TRIM72: variants seen among roughly 807,000 people sequenced by gnomAD.
TRIM72 encodes the protein tripartite motif-containing protein 72.
A neutral mutation model predicts 31.6 loss-of-function variants in TRIM72; 33 were observed. The observed-to-expected ratio is 1.04, with a 90% confidence interval of 0.79 to 1.40. The LOEUF (loss-of-function observed/expected upper bound fraction) is 1.40, where lower values mean the gene tolerates loss of function less well. Among genes scored for constraint, TRIM72 ranks in the 40% most tolerant of loss-of-function variants. The pLI is 0.00. For synonymous variants in TRIM72, 301 were observed against 314.4 expected (o/e 0.96, Z 0.45); for missense variants, 666 against 682.7 (o/e 0.98, Z 0.27).
chr16:31,226,334 C>T lies in TRIM72; in HGVS notation c.*1579C>T, dbSNP rs2079555025. 6.6e-6 allele frequency: 1 copy of T among 152,158 alleles called. No homozygotes were observed. The allele number at this position is 152,158 out of a possible 1,614,324, so 9.4% of individuals were successfully genotyped here. On this transcript the variant is annotated 3_prime_UTR_variant, in exon 7 of 7. Coordinates refer to ENST00000322122, the MANE Select transcript of TRIM72 (RefSeq NM_001008274.4). ...ACACTTAAGGGCTGGGTACTCATGC[C>T]TGTAAACCCAACACTTTGGGAGTTT...
Position 31,225,363 on chromosome 16 carries a change from G to A in TRIM72, c.*608G>A, listed in dbSNP as rs2079551880. 2.0e-5 allele frequency: 2 copies of A among 97,772 alleles called. No homozygotes were observed. Among genetic ancestry groups the A allele is most frequent in the Non-Finnish European group, 2.3e-5 (1 of 43,742 alleles). 6.1% of individuals were successfully genotyped at this position (97,772 alleles called of 1,614,324 possible). A position where few individuals can be genotyped will look rare whatever the true frequency, so the allele number is the denominator to read the frequency against. Reference sequence around the variant, plus strand: ...AATTCCAGGAAGAAACTAAGGTTGAGCGAGGGAGGGACAGGGCCAGGTTGG... The same window carrying A: ...AATTCCAGGAAGAAACTAAGGTTGAACGAGGGAGGGACAGGGCCAGGTTGG... On this transcript the variant is annotated 3_prime_UTR_variant, in exon 7 of 7. Transcript: ENST00000322122.
rs1455325652 is a variant in TRIM72, at chr16:31,224,939, C to T, written c.*184C>T. On this transcript the variant is annotated 3_prime_UTR_variant, in exon 7 of 7. Coordinates refer to ENST00000322122, the MANE Select transcript of TRIM72 (RefSeq NM_001008274.4). ...GGCTTGGTGGCTCATGCCTGTAATC[C>T]CAGCACTTTGGGAGACGGAGGCGGG... is the stretch of plus-strand genomic sequence containing the variant. The T allele has an allele frequency of 3.6e-6, 2 of 558,516 alleles. No individual in the cohort carries two copies. Among genetic ancestry groups the T allele is most frequent in the Non-Finnish European group, 5.7e-6 (2 of 353,012 alleles). The allele number at this position is 558,516 out of a possible 1,614,324, so 34.6% of individuals were successfully genotyped here.
rs143098996 is a variant in TRIM72 at position 31,219,296 on chromosome 16, T to C, written c.494T>C (p.Val165Ala). The C allele has an allele frequency of 1.4e-4, 218 of 1,614,126 alleles. No homozygotes were observed. The African/African-American group carries it at 2.6e-3, about 19-fold the overall frequency. Residue 165 changes from valine to alanine, a missense_variant, in exon 4 of 7, where the codon GTG becomes GCG. By Grantham distance (64) the Val-to-Ala change is moderately conservative (BLOSUM62 0). Coordinates refer to ENST00000322122, the MANE Select transcript of TRIM72 (RefSeq NM_001008274.4). This position sits in a 1 kb window ranked among gnomAD's most constrained non-coding sequence, Gnocchi z 4.2. ...ACTGCCCCATCCCTGCAGGAGACAG[T>C]GCGTCAGTTCCGGGGGGCCGTGGGG... is the stretch of plus-strand genomic sequence containing the variant. ...EHQLVEVEET[V>A]RQFRGAVGEQ...
At position 31,226,239 on chromosome 16, in the gene TRIM72, C is replaced by T. The variant is rs2079554812; in HGVS notation, c.*1484C>T. The T allele has an allele frequency of 6.6e-6, 1 of 152,040 alleles. No individual in the cohort carries two copies. Among genetic ancestry groups the T allele is most frequent in the African/African-American group, 2.4e-5 (1 of 41,384 alleles). 9.4% of individuals were successfully genotyped at this position (152,040 alleles called of 1,614,324 possible). A position where few individuals can be genotyped will look rare whatever the true frequency, so the allele number is the denominator to read the frequency against. Reference sequence around the variant, plus strand: ...AGAGGCATAGGTCCAAAATATGTTTCCCCAGTCAAAAACATGTAAGGTTTG... The same window carrying T: ...AGAGGCATAGGTCCAAAATATGTTTTCCCAGTCAAAAACATGTAAGGTTTG... On this transcript the variant is annotated 3_prime_UTR_variant, in exon 7 of 7. Transcript: ENST00000322122.
intron 4 of TRIM72, among the ~76,000 whole-genome samples, chr16:31,220,389 A>T (rs187323704): frequency 6.8e-6 from 1 of 146,930 alleles, no homozygotes; most frequent in Non-Finnish European, 1.5e-5. Flanking sequence ...GGAGGCAAAG[A>T]TACCTTTTTG....
chr16:31,218,258 AG>A (rs1319471700), intron 2 of TRIM72, among the ~76,000 whole-genome samples: 1 of 152,116 alleles, frequency 6.6e-6, no homozygotes, highest in African/African-American at 2.4e-5. Flanking sequence ...AAAACAGACA[AG>A]GGGCTGGGGG....
In TRIM72 at chr16:31,219,597, C is replaced by G. The variant is rs1380713760; in HGVS notation, c.717+78C>G. The G allele has an allele frequency of 7.5e-7, 1 of 1,337,530 alleles. No individual in the cohort carries two copies. Among genetic ancestry groups the G allele is most frequent in the African/African-American group, 1.5e-5 (1 of 67,632 alleles). The allele number at this position is 1,337,530 out of a possible 1,614,324, so 82.9% of individuals were successfully genotyped here. A position where few individuals can be genotyped will look rare whatever the true frequency, so the allele number is the denominator to read the frequency against. On this transcript the variant is annotated intron_variant, in intron 4 of 6. Coordinates refer to ENST00000322122, the MANE Select transcript of TRIM72 (RefSeq NM_001008274.4). This position sits in a 1 kb window ranked among gnomAD's most constrained non-coding sequence, Gnocchi z 4.2. ...AGACCTCATCCCATTGTCAGATAGGCCCAGAGAGGGGCAGGGATAAGCCAG... is the reference window on the plus strand; with the variant it reads ...AGACCTCATCCCATTGTCAGATAGGGCCAGAGAGGGGCAGGGATAAGCCAG...
At position 31,222,911 on chromosome 16, in the gene TRIM72, G is replaced by T; in HGVS notation, c.825G>T (p.Gln275His). The T allele has an allele frequency of 6.4e-7, 1 of 1,565,604 alleles. No individual in the cohort carries two copies. Among genetic ancestry groups the T allele is most frequent in the Non-Finnish European group, 8.6e-7 (1 of 1,159,930 alleles). Residue 275 changes from glutamine (Q) to histidine (H), a missense_variant, in exon 6 of 7, where the codon CAG (glutamine) becomes CAT (histidine). Gln to His is a conservative substitution (Grantham distance 24, BLOSUM62 0). Transcript: ENST00000322122. ...TTATCTCAGATGACTTCAAATTCCA[G>T]GTGTGGAGGAAGATGTTCCGGGCTC... The part of the protein sequence containing the change: ...LPIISDDFKF[Q>H]VWRKMFRALM...
chr16:31,214,785 T>C lies in TRIM72; in HGVS notation c.47T>C (p.Leu16Pro). The C allele has an allele frequency of 6.3e-7, 1 of 1,581,788 alleles. No individual in the cohort carries two copies. The highest frequency in any genetic ancestry group is 8.5e-7 in the Non-Finnish European group (1 of 1,173,426). ...CTGCACCAGGAGCTGTCCTGCCCGC[T>C]GTGCCTGCAGCTGTTCGACGCGCCC... ...GLLHQELSCP[L>P]CLQLFDAPVT... The change falls in exon 2 of 7, where the codon CTG becomes CCG. Residue 16 changes from leucine (L) to proline (P), a missense_variant. Coordinates refer to ENST00000322122, the MANE Select transcript of TRIM72 (RefSeq NM_001008274.4).
Position 31,219,317 on chromosome 16 carries a change from T to G in TRIM72, c.515T>G (p.Val172Gly). ...ACAGTGCGTCAGTTCCGGGGGGCCG[T>G]GGGGGAGCAGCTGGGCAAGATGCGG... ...EETVRQFRGA[V>G]GEQLGKMRVF... Residue 172 changes from valine (V) to glycine (G), a missense_variant, in exon 4 of 7, where the codon GTG (valine) becomes GGG (glycine). Coordinates refer to ENST00000322122, the MANE Select transcript of TRIM72 (RefSeq NM_001008274.4). This position sits in a 1 kb window ranked among gnomAD's most constrained non-coding sequence, Gnocchi z 4.2. The G allele has an allele frequency of 2.5e-6, 4 of 1,613,896 alleles. No homozygotes were observed. The highest frequency in any genetic ancestry group is 2.5e-6 in the Non-Finnish European group (3 of 1,179,958).
In TRIM72 at chr16:31,214,859, G is replaced by T; in HGVS notation, c.121G>T (p.Val41Leu). ...HSFCRACLGR[V>L]AGEPAADGTV... is the part of the protein sequence containing the mutation. ...TTTCTGCCGCGCCTGCCTAGGCCGC[G>T]TGGCCGGGGAGCCGGCGGCGGATGG... is the stretch of plus-strand genomic sequence containing the variant. Residue 41 changes from valine to leucine, a missense_variant, in exon 2 of 7, where the codon GTG (valine) becomes TTG (leucine). Physicochemically the swap from Val to Leu is conservative, Grantham distance 32 (BLOSUM62 1). Transcript: ENST00000322122. 6.5e-7 allele frequency: 1 copy of T among 1,538,452 alleles called. No individual in the cohort carries two copies. The highest frequency in any genetic ancestry group is 8.7e-7 in the Non-Finnish European group (1 of 1,151,360).
At chr16:31,214,349 A>C in intron 1 of TRIM72, 52 bp downstream of exon 1, 1 of 176,462 alleles carries the variant, frequency 5.7e-6, no homozygotes, top group Non-Finnish European at 1.2e-5. Context: ...GTATCTTGGT[A>C]AAGTGAGGGA....
intron 2 of TRIM72, among the ~76,000 whole-genome samples, 182 bp from the exon 3 acceptor site, chr16:31,218,913 C>A (rs2079521124): frequency 6.6e-6 from 1 of 152,038 alleles, no homozygotes; most frequent in African/African-American, 2.4e-5. Flanking sequence ...GCAGGGGAAG[C>A]ATTCGGACCT....
Position 31,228,521 on chromosome 16 carries a change from T to TCTA in TRIM72, c.*3768_*3770dup. The TCTA allele has an allele frequency of 6.5e-6, 1 of 152,702 alleles. No individual in the cohort carries two copies. Among genetic ancestry groups the TCTA allele is most frequent in the East Asian group, 1.9e-4 (1 of 5,192 alleles). The allele number at this position is 152,702 out of a possible 1,614,324, so 9.5% of individuals were successfully genotyped here. On this transcript the variant is annotated 3_prime_UTR_variant, in exon 7 of 7. Coordinates refer to ENST00000322122, the MANE Select transcript of TRIM72 (RefSeq NM_001008274.4). Reference sequence around the variant, plus strand: ...ACCTTGGATCACCGCCCTGTGCATGTCTACACTCTGGCTATGCTGAACTGA... The same window carrying TCTA: ...ACCTTGGATCACCGCCCTGTGCATGTCTACTACACTCTGGCTATGCTGAACTGA...
rs1281361550 is a variant in TRIM72, at chr16:31,230,230, TCCCAGGCATTGTGAAGA to T, written c.*5479_*5495del. 1 of 152,184 alleles carries T rather than the reference TCCCAGGCATTGTGAAGA, an allele frequency of 6.6e-6. No homozygotes were observed. Among genetic ancestry groups the T allele is most frequent in the East Asian group, 1.9e-4 (1 of 5,200 alleles). The allele number at this position is 152,184 out of a possible 1,614,324, so 9.4% of individuals were successfully genotyped here. On this transcript the variant is annotated 3_prime_UTR_variant, in exon 7 of 7. Transcript: ENST00000322122. ...ATAGTGAGCCTTATCTCTCTCCCTT[TCCCAGGCATTGTGAAGA>T]CCCTGTTTCTCTAGCTGTGCAGCTG...
At chr16:31,217,654 G>A (rs1169760597) in intron 2 of TRIM72, among the ~76,000 whole-genome samples, 7 of 145,506 alleles carry the variant, frequency 4.8e-5, no homozygotes, top group Non-Finnish European at 7.5e-5. Flanking sequence ...TTGCTCTGTC[G>A]CCCAGGCTAG....
At chr16:31,221,060 T>A in intron 5 of TRIM72, 142 bp downstream of exon 5, 1 of 1,089,928 alleles carries the variant, frequency 9.2e-7, no homozygotes, top group Non-Finnish European at 1.4e-6. Flanking sequence ...CACAAGGTTG[T>A]AGACAGAAAT....
intron 5 of TRIM72, among the ~76,000 whole-genome samples, chr16:31,222,199 C>G (rs558797611): frequency 2.0e-5 from 3 of 152,094 alleles, no homozygotes; most frequent in Non-Finnish European, 2.9e-5. Context: ...TCGAGACTAG[C>G]CTGGCCAACA....
rs1361024396 is a variant in TRIM72 at position 31,219,469 on chromosome 16, G to A, written c.667G>A (p.Glu223Lys). The A allele has an allele frequency of 1.2e-6, 2 of 1,612,160 alleles. No homozygotes were observed. The highest frequency in any genetic ancestry group is 2.7e-5 in the African/African-American group (2 of 74,976). Residue 223 changes from glutamate (E) to lysine (K), a missense_variant, in exon 4 of 7, where the codon GAG (glutamate) becomes AAG (lysine). Glu to Lys is a moderately conservative substitution (Grantham distance 56, BLOSUM62 1). Coordinates refer to ENST00000322122, the MANE Select transcript of TRIM72 (RefSeq NM_001008274.4). This position sits in a 1 kb window ranked among gnomAD's most constrained non-coding sequence, Gnocchi z 4.2. ...TTACCTGGAGCAGCTGCGGCAGATGGAGAAGGTCCTGGAGGAGGTGGCGGA... is the reference window on the plus strand; with the variant it reads ...TTACCTGGAGCAGCTGCGGCAGATGAAGAAGGTCCTGGAGGAGGTGGCGGA... ...NSYLEQLRQM[E>K]KVLEEVADKP...
Sources: allele counts gnomAD v4.1 joint callset (sites outside exome capture counted in the v4.1 genomes callset), GRCh38; gene constraint gnomAD v4.1.1; non-coding constraint Gnocchi (gnomAD v3.1); transcripts MANE v1.5; gene names NCBI Gene and HGNC (gene_info 2026-07-23, HGNC 2026-07-21).